The following G3BP2 variants were observed in gnomAD, a reference collection of about 807,000 sequenced individuals.
G3BP2 encodes the protein ras GTPase-activating protein-binding protein 2.
G3BP2 carries 11 observed loss-of-function variants against 56.7 expected under a neutral mutation model. That is an observed-to-expected ratio of 0.19 (90% confidence interval 0.12 to 0.32). The LOEUF is 0.32. G3BP2 is among the 10% of genes least tolerant of loss of function. The pLI is 1.00. For synonymous variants in G3BP2, 165 were observed against 191.6 expected, an observed-to-expected ratio of 0.86 and a Z score of 1.15; for missense variants, 340 against 610.9, an observed-to-expected ratio of 0.56 and a Z score of 4.67.
intron 3 of G3BP2, among the ~76,000 whole-genome samples, chr4:75,707,751 T>C (rs957347272): frequency 6.6e-6 from 1 of 152,194 alleles, no homozygotes; most frequent in Non-Finnish European, 1.5e-5. Flanking sequence ...ATAAATTTTA[T>C]GAAATTAAAA....
intron 2 of G3BP2, among the ~76,000 whole-genome samples, chr4:75,660,250 A>T (rs1363503087): frequency 6.6e-6 from 1 of 152,204 alleles, no homozygotes; most frequent in Non-Finnish European, 1.5e-5. Context: ...GGCCCTATTA[A>T]TTATTTATCT....
At chr4:75,665,486 C>T (rs1020616339) in intron 1 of G3BP2, among the ~76,000 whole-genome samples, 4 of 152,154 alleles carry the variant, frequency 2.6e-5, no homozygotes, top group Non-Finnish European at 5.9e-5. Context: ...TGGCTCACGC[C>T]TGTAATCCCA....
At chr4:75,648,407 C>CTTAAT (rs372910250) in intron 9 of G3BP2, among the ~76,000 whole-genome samples, 6 of 150,662 alleles carry the variant, frequency 4.0e-5, no homozygotes, top group African/African-American at 1.5e-4. Context: ...CCAAATAAGA[C>CTTAAT]TTAAGTCTTT....
intron 3 of G3BP2, among the ~76,000 whole-genome samples, chr4:75,685,450 G>A (rs544883928): frequency 5.4e-5 from 8 of 146,930 alleles, no homozygotes; most frequent in South Asian, 2.1e-4. Flanking sequence ...GCAGTGAGCC[G>A]AGATCGCGTC....
chr4:75,648,692 C>T lies in G3BP2; in HGVS notation c.875G>A (p.Arg292His). Residue 292 changes from arginine (R) to histidine (H), a missense_variant, in exon 9 of 12, where the codon CGT (arginine) becomes CAT (histidine). Transcript: ENST00000359707. ...PEVQSQPPRV[R>H]EQRPRERPGF... ...AGGTCGTTCTCTAGGTCGTTGTTCACGCACACGAGGTGGCTGAGATTGAAC... is the reference window on the plus strand; with the variant it reads ...AGGTCGTTCTCTAGGTCGTTGTTCATGCACACGAGGTGGCTGAGATTGAAC... 2 of 1,610,418 alleles carry T rather than the reference C, an allele frequency of 1.2e-6. No homozygotes were observed. The highest frequency in any genetic ancestry group is 1.7e-6 in the Non-Finnish European group (2 of 1,177,106).
At chr4:75,648,591 C>T in intron 9 of G3BP2, 48 bp downstream of exon 9, 2 of 963,180 alleles carry the variant, frequency 2.1e-6, no homozygotes, top group Non-Finnish European at 3.3e-6. Context: ...CAGTCTTTTA[C>T]AGCCTTACAA....
intron 8 of G3BP2, chr4:75,649,080 T>G (rs1430678695): frequency 5.7e-6 from 1 of 175,642 alleles, no homozygotes; most frequent in East Asian, 1.4e-4. Context: ...GATGAACCAC[T>G]CCATGTAAAT....
At chr4:75,658,111 C>A (rs553375535) in intron 3 of G3BP2, among the ~76,000 whole-genome samples, 1 of 152,126 alleles carries the variant, frequency 6.6e-6, no homozygotes, top group Non-Finnish European at 1.5e-5. Flanking sequence ...GTCTCACATC[C>A]TCTACACAAA....
chr4:75,707,256 C>T (rs1719584750), intron 3 of G3BP2, among the ~76,000 whole-genome samples: 1 of 151,602 alleles, frequency 6.6e-6, no homozygotes, highest in African/African-American at 2.4e-5. Flanking sequence ...ACCCTCCAGC[C>T]CTCAAATAAA....
intron 1 of G3BP2, 137 bp from the exon 2 acceptor site, chr4:75,662,186 C>A: frequency 1.8e-6 from 1 of 551,308 alleles, no homozygotes; most frequent in South Asian, 2.6e-5. Context: ...TTAATAAGTT[C>A]TGATAACCCA....
intron 3 of G3BP2, among the ~76,000 whole-genome samples, chr4:75,705,165 A>G (rs549255276): frequency 7.2e-5 from 11 of 152,188 alleles, no homozygotes; most frequent in Admixed American, 1.3e-4. Context: ...ACATGCCCAG[A>G]GGGGATAATC....
At chr4:75,684,768 G>T (rs1718510792) in intron 3 of G3BP2, among the ~76,000 whole-genome samples, 1 of 151,254 alleles carries the variant, frequency 6.6e-6, no homozygotes, top group Admixed American at 6.6e-5. Context: ...GTGAAACCAT[G>T]AACATTCTGT....
intron 3 of G3BP2, among the ~76,000 whole-genome samples, chr4:75,695,666 G>A (rs1719073484): frequency 1.3e-5 from 2 of 152,074 alleles, no homozygotes; most frequent in South Asian, 2.1e-4. Context: ...AGTCAAAGAC[G>A]CATACACAAA....
intron 3 of G3BP2, among the ~76,000 whole-genome samples, chr4:75,684,457 TA>T (rs1718489558): frequency 6.6e-6 from 1 of 151,768 alleles, no homozygotes; most frequent in African/African-American, 2.4e-5. Flanking sequence ...AATAAAAAAA[TA>T]AAAAATATAA....
intron 3 of G3BP2, among the ~76,000 whole-genome samples, chr4:75,681,052 TG>T (rs1560410791): frequency 6.7e-6 from 1 of 149,814 alleles, no homozygotes; most frequent in Non-Finnish European, 1.5e-5. Flanking sequence ...CAGCCAGGCG[TG>T]GTGGCTCATG....
chr4:75,682,852 C>T (rs1046419439), intron 3 of G3BP2, among the ~76,000 whole-genome samples: 12 of 151,954 alleles, frequency 7.9e-5, no homozygotes, highest in East Asian at 1.9e-4. Context: ...TGGTGGGTGA[C>T]GTGTGCCTGT....
rs532444008 is a variant in G3BP2 at position 75,712,545 on chromosome 4, A to G, written c.-25+8332T>C. ...AAGATTTTTACAGTTCCCTCTGTCAAATATTTTTTAAACTGCAAAGAATCA... is the reference window on the plus strand; with the variant it reads ...AAGATTTTTACAGTTCCCTCTGTCAGATATTTTTTAAACTGCAAAGAATCA... On this transcript the variant is annotated intron_variant, in intron 3 of 3. Transcript: ENST00000499709. 7.2e-4 allele frequency among the ~76,000 whole-genome samples: 109 copies of G among 152,312 alleles called. 3 individuals carry two copies. In the South Asian group the frequency reaches 0.022, roughly 31 times the overall value.
At chr4:75,721,513 C>T (rs1162489166) in intron 2 of G3BP2, among the ~76,000 whole-genome samples, 1 of 152,144 alleles carries the variant, frequency 6.6e-6, no homozygotes, top group Non-Finnish European at 1.5e-5. Flanking sequence ...CCACCTTGGC[C>T]TCCCAAAGTG....
intron 3 of G3BP2, chr4:75,694,844 T>C: frequency 1.0e-6 from 1 of 985,634 alleles, no homozygotes; most frequent in Non-Finnish European, 1.2e-6. Context: ...CAGGATGGGC[T>C]AAAGACTGCG....
Sources: gnomAD v4.1 joint callset for allele counts (sites outside exome capture counted in the v4.1 genomes callset) on GRCh38, gnomAD v4.1.1 for gene constraint, MANE v1.5 for transcripts, NCBI Gene and HGNC (gene_info 2026-07-23, HGNC 2026-07-21) for gene names.